The following SEC14L3 variants were observed in gnomAD, a reference collection of about 807,000 sequenced individuals.
SEC14L3 encodes SEC14 like lipid binding 3.
Under a neutral mutation model 57.4 loss-of-function variants are expected in SEC14L3, and 56 were observed. The observed-to-expected ratio is 0.97, with a 90% CI of 0.79 to 1.22. The LOEUF (loss-of-function observed/expected upper bound fraction) is 1.22. Among genes scored for constraint, SEC14L3 ranks in the 50% most tolerant of loss-of-function variants. SEC14L3 has a pLI of 0.00. For missense variants in SEC14L3, 485 were observed against 511.7 expected (o/e 0.95, Z 0.50); for synonymous variants, 173 against 194.4 (o/e 0.89, Z 0.92).
downstream of SEC14L3, among the ~76,000 whole-genome samples, chr22:30,459,004 G>C (rs993789469): frequency 6.6e-6 from 1 of 152,088 alleles, no homozygotes; most frequent in Non-Finnish European, 1.5e-5. Flanking sequence ...GCGAGACCCT[G>C]TCTCAAAAAA....
At chr22:30,469,163 A>G (rs1433276184) in intron 4 of SEC14L3, among the ~76,000 whole-genome samples, 2 of 152,094 alleles carry the variant, frequency 1.3e-5, no homozygotes, top group Non-Finnish European at 2.9e-5. Flanking sequence ...TACAAAAATA[A>G]AAGAAATTAG....
At chr22:30,460,960 G>A (rs1235211021) in intron 11 of SEC14L3, among the ~76,000 whole-genome samples, 1 of 152,186 alleles carries the variant, frequency 6.6e-6, no homozygotes, top group Non-Finnish European at 1.5e-5. Flanking sequence ...TGAGGCTCGG[G>A]TGGGACCCTG....
intron 8 of SEC14L3, among the ~76,000 whole-genome samples, chr22:30,462,506 A>T (rs1394575343): frequency 6.6e-6 from 1 of 152,118 alleles, no homozygotes; most frequent in Non-Finnish European, 1.5e-5. Flanking sequence ...TCCTGGGCTC[A>T]AGTGATCCTC....
downstream of SEC14L3, among the ~76,000 whole-genome samples, chr22:30,455,744 G>A (rs886166558): frequency 4.6e-5 from 7 of 152,204 alleles, no homozygotes; most frequent in African/African-American, 1.4e-4. Flanking sequence ...AGGTCTACAC[G>A]GTTGGGAGCC....
At chr22:30,468,282 C>A (rs10427847) in intron 5 of SEC14L3, among the ~76,000 whole-genome samples, 79,480 of 141,036 alleles carry the variant, frequency 0.56, 23,120 homozygotes, top group African/African-American at 0.8. Context: ...CTGTCTCAAG[C>A]AAAAAAAAAA....
chr22:30,464,530 A>C (rs1302234124), intron 8 of SEC14L3, among the ~76,000 whole-genome samples: 1 of 152,162 alleles, frequency 6.6e-6, no homozygotes, highest in African/African-American at 2.4e-5. Flanking sequence ...TCCTGGGCTC[A>C]AGTGATCCTC....
chr22:30,453,640 C>T (rs1315938991), intron 12 of SEC14L3, among the ~76,000 whole-genome samples: 1 of 152,066 alleles, frequency 6.6e-6, no homozygotes, highest in Non-Finnish European at 1.5e-5. Flanking sequence ...CTCAAACTCC[C>T]GACCTCAAAT....
chr22:30,471,126 A>C (rs1331108762), intron 1 of SEC14L3: 2 of 347,520 alleles, frequency 5.8e-6, no homozygotes, highest in African/African-American at 4.4e-5. Context: ...CTCTACTAAA[A>C]ATACAAAAAT....
chr22:30,464,979 A>G (rs1712273952), intron 7 of SEC14L3, 76 bp from the exon 8 acceptor site: 8 of 1,602,336 alleles, frequency 5.0e-6, no homozygotes, highest in Middle Eastern at 3.5e-4. Flanking sequence ...GTTATAGCCA[A>G]TGATACAGAG....
intron 12 of SEC14L3, among the ~76,000 whole-genome samples, chr22:30,450,329 G>A (rs939004042): frequency 3.3e-5 from 5 of 151,828 alleles, no homozygotes; most frequent in South Asian, 2.1e-4. Flanking sequence ...TTTTTGAGAC[G>A]GAATCTCTCT....
At chr22:30,453,452 G>A (rs1403980565) in intron 12 of SEC14L3, among the ~76,000 whole-genome samples, 1 of 152,082 alleles carries the variant, frequency 6.6e-6, no homozygotes, top group Non-Finnish European at 1.5e-5. Context: ...TCGCTCCGTT[G>A]CCCAGGCTGG....
chr22:30,449,400 T>C (rs978335514), intron 12 of SEC14L3, among the ~76,000 whole-genome samples: 2 of 152,162 alleles, frequency 1.3e-5, no homozygotes, highest in Non-Finnish European at 2.9e-5. Context: ...CATTATACAA[T>C]AACTTAATCA....
intron 8 of SEC14L3, among the ~76,000 whole-genome samples, chr22:30,463,977 TTTTAG>T (rs1289858137): frequency 2.0e-5 from 3 of 152,226 alleles, no homozygotes; most frequent in Non-Finnish European, 2.9e-5. Context: ...AAGATTATAC[TTTTAG>T]TTTAATCTTA....
chr22:30,468,603 C>A lies in SEC14L3; in HGVS notation c.328G>T (p.Gly110Trp), dbSNP rs940261793. ...TGCTTGGTGACTGAGAAGAGCAACC[C>A]CTTGGGATCAAGTGGCCCAATGATG... is the stretch of plus-strand genomic sequence containing the variant. ...YDIIGPLDPK[G>W]LLFSVTKQDL... Residue 110 changes from glycine (G) to tryptophan (W), a missense_variant, in exon 5 of 12, where the codon GGG (glycine) becomes TGG (tryptophan). Gly to Trp is a radical substitution (Grantham distance 184, BLOSUM62 -2). Coordinates refer to ENST00000215812, the MANE Select transcript of SEC14L3 (RefSeq NM_174975.5). 1.9e-6 allele frequency: 3 copies of A among 1,613,854 alleles called. No homozygotes were observed. Among genetic ancestry groups the A allele is most frequent in the Non-Finnish European group, 2.5e-6 (3 of 1,180,032 alleles).
At position 30,466,959 on chromosome 22, in the gene SEC14L3, G is replaced by T. The variant is rs758728199; in HGVS notation, c.519+23C>A. On this transcript the variant is annotated intron_variant, in intron 6 of 11. Transcript: ENST00000215812. ...AGCTGGTCATCAAAGCAAGCGGGGGGTGGCCCTAGGACTTCTCCTTACCTC... is the reference window on the plus strand; with the variant it reads ...AGCTGGTCATCAAAGCAAGCGGGGGTTGGCCCTAGGACTTCTCCTTACCTC... 7.5e-6 allele frequency: 12 copies of T among 1,600,056 alleles called. No individual in the cohort carries two copies. In the African/African-American group the frequency reaches 8.0e-5, roughly 11 times the overall value.
intron 5 of SEC14L3, 147 bp downstream of exon 5, chr22:30,468,361 C>T: frequency 3.4e-6 from 2 of 592,214 alleles, no homozygotes; most frequent in Non-Finnish European, 6.1e-6. Context: ...CTTTTCAAGG[C>T]CACACAGCTG....
At chr22:30,449,401 A>G (rs1934936681) in intron 12 of SEC14L3, among the ~76,000 whole-genome samples, 1 of 152,166 alleles carries the variant, frequency 6.6e-6, no homozygotes, top group East Asian at 1.9e-4. Flanking sequence ...ATTATACAAT[A>G]ACTTAATCAA....
downstream of SEC14L3, among the ~76,000 whole-genome samples, chr22:30,454,673 T>C (rs189533840): frequency 9.8e-6 from 1 of 102,278 alleles, no homozygotes; most frequent in East Asian, 2.7e-4. Context: ...TAATCTATAA[T>C]ATTATTATAT....
At chr22:30,467,778 G>A (rs570621549) in intron 5 of SEC14L3, among the ~76,000 whole-genome samples, 6 of 152,330 alleles carry the variant, frequency 3.9e-5, no homozygotes, top group Admixed American at 2.6e-4. Flanking sequence ...AAGGCTCAGA[G>A]GGAATAGCAA....
Sources: gnomAD v4.1 joint callset for allele counts (sites outside exome capture counted in the v4.1 genomes callset) on GRCh38, gnomAD v4.1.1 for gene constraint, MANE v1.5 for transcripts, NCBI Gene and HGNC (gene_info 2026-07-23, HGNC 2026-07-21) for gene names.